Variants in PCDHGB4 observed in about 807,000 individuals in gnomAD.
PCDHGB4 encodes the protein protocadherin gamma-B4.
A neutral mutation model predicts 60.5 loss-of-function variants in PCDHGB4; 38 were observed. The observed-to-expected ratio is 0.63, with a 90% confidence interval of 0.48 to 0.82. The LOEUF (loss-of-function observed/expected upper bound fraction) is 0.82. Among genes scored for constraint, PCDHGB4 ranks in the 40% least tolerant of loss-of-function variants. The pLI is 0.00. For synonymous variants in PCDHGB4, 456 were observed against 509.7 expected (o/e 0.89, Z 1.42); for missense variants, 1,109 against 1,209.6 (o/e 0.92, Z 1.23).
At chr5:141,398,162 A>G (rs1037240871) in intron 1 of PCDHGB4, 45 of 1,481,274 alleles carry the variant, frequency 3.0e-5, no homozygotes, top group Non-Finnish European at 4.0e-5. Flanking sequence ...GGCCGGGCTG[A>G]GAGGCTGCCA....
At chr5:141,400,102 G>C (rs376189143) in intron 1 of PCDHGB4, 35 of 1,614,084 alleles carry the variant, frequency 2.2e-5, no homozygotes, top group Non-Finnish European at 3.0e-5. Context: ...GCTGCACTTG[G>C]TCTTTGCTGA....
At chr5:141,499,698 T>C (rs1312388510) in intron 2 of PCDHGB4, among the ~76,000 whole-genome samples, 2 of 149,810 alleles carry the variant, frequency 1.3e-5, no homozygotes, top group African/African-American at 2.5e-5. Context: ...ACTTTTTTTT[T>C]TTTTTTTTTT....
chr5:141,423,184 C>A (rs747938944), intron 1 of PCDHGB4: 1 of 1,613,442 alleles, frequency 6.2e-7, no homozygotes, highest in South Asian at 1.1e-5. Flanking sequence ...CCACGGCCAG[C>A]CCCCTCTCTC....
At chr5:141,422,640 C>T in intron 1 of PCDHGB4, 1 of 1,612,590 alleles carries the variant, frequency 6.2e-7, no homozygotes, top group South Asian at 1.1e-5. Flanking sequence ...GGGGTGCCTC[C>T]ATCTTCTCAG....
chr5:141,428,037 C>T, intron 1 of PCDHGB4: 1 of 1,608,458 alleles, frequency 6.2e-7, no homozygotes, highest in South Asian at 1.1e-5. Context: ...GTCCGGCTAC[C>T]TGGTGACCAA....
intron 1 of PCDHGB4, 110 bp downstream of exon 1, chr5:141,390,391 T>C: frequency 7.1e-7 from 1 of 1,399,002 alleles, no homozygotes; most frequent in Non-Finnish European, 9.8e-7. Flanking sequence ...ATGTCATGGA[T>C]CATTTTAGGA....
intron 1 of PCDHGB4, chr5:141,433,307 C>T (rs982853368): frequency 2.2e-6 from 2 of 913,640 alleles, no homozygotes; most frequent in Admixed American, 2.7e-5. Context: ...AATTATCCCA[C>T]CTTTGCCTCC....
intron 1 of PCDHGB4, chr5:141,422,771 T>C (rs2096671394): frequency 6.2e-7 from 1 of 1,613,954 alleles, no homozygotes; most frequent in Non-Finnish European, 8.5e-7. Flanking sequence ...ACTGGTGTTC[T>C]CTATGCCCTA....
At chr5:141,464,422 TATAG>T (rs2099083887) in intron 1 of PCDHGB4, among the ~76,000 whole-genome samples, 1 of 151,672 alleles carries the variant, frequency 6.6e-6, no homozygotes, top group African/African-American at 2.4e-5. Context: ...TATCTATATA[TATAG>T]ATATATATGT....
intron 1 of PCDHGB4, chr5:141,428,087 G>A (rs2097108117): frequency 6.2e-7 from 1 of 1,609,106 alleles, no homozygotes; most frequent in Non-Finnish European, 8.5e-7. Context: ...ACAACGCTTG[G>A]CTGTCCTACC....
chr5:141,402,799 C>A (rs1248030162), intron 1 of PCDHGB4: 2 of 1,061,840 alleles, frequency 1.9e-6, no homozygotes, highest in Non-Finnish European at 2.6e-6. Flanking sequence ...TACACAAAAC[C>A]CGGCAGATAC....
chr5:141,434,938 A>G (rs938787407), intron 1 of PCDHGB4, among the ~76,000 whole-genome samples: 2 of 151,738 alleles, frequency 1.3e-5, no homozygotes, highest in Admixed American at 1.3e-4. Flanking sequence ...TATATAATAG[A>G]TATAATTTAT....
chr5:141,472,556 T>A (rs2099287889), intron 1 of PCDHGB4, among the ~76,000 whole-genome samples: 1 of 151,628 alleles, frequency 6.6e-6, no homozygotes, highest in South Asian at 2.1e-4. Flanking sequence ...AAAAAAATTA[T>A]ATTATAAATG....
Position 141,476,364 on chromosome 5 carries a change from C to T in PCDHGB4, c.2398-18443C>T, listed in dbSNP as rs1462808655. The T allele has an allele frequency of 6.2e-7, 1 of 1,614,036 alleles. No homozygotes were observed. The highest frequency in any genetic ancestry group is 8.5e-7 in the Non-Finnish European group (1 of 1,180,026). Reference sequence around the variant, plus strand: ...AGATTCTTTGAGGTGAACCGGGAGACCGGAGAGATGTTTGTGAACGACCGT... The same window carrying T: ...AGATTCTTTGAGGTGAACCGGGAGATCGGAGAGATGTTTGTGAACGACCGT... On this transcript the variant is annotated intron_variant, in intron 1 of 3. Coordinates refer to ENST00000519479, the MANE Select transcript of PCDHGB4 (RefSeq NM_003736.4). This position sits in a 1 kb window ranked among gnomAD's most constrained non-coding sequence, Gnocchi z 7.6.
At chr5:141,423,885 A>G in intron 1 of PCDHGB4, 6 of 1,277,816 alleles carry the variant, frequency 4.7e-6, no homozygotes, top group Non-Finnish European at 5.9e-6. Flanking sequence ...ATCTTGGCAT[A>G]TTTTCTTTTG....
At chr5:141,412,264 CT>C (rs765219351) in intron 1 of PCDHGB4, 4 of 152,206 alleles carry the variant, frequency 2.6e-5, no homozygotes, top group Non-Finnish European at 4.4e-5. Context: ...TTTTCTAAAA[CT>C]TTTAGTACTT....
intron 1 of PCDHGB4, among the ~76,000 whole-genome samples, chr5:141,434,703 G>C (rs1198306104): frequency 6.6e-6 from 1 of 151,730 alleles, no homozygotes; most frequent in Non-Finnish European, 1.5e-5. Context: ...TAAATATGTG[G>C]GTAAATCTCT....
chr5:141,404,290 T>C (rs2094507318), intron 1 of PCDHGB4: 1 of 1,613,984 alleles, frequency 6.2e-7, no homozygotes, highest in South Asian at 1.1e-5. Context: ...CTGACATCAA[T>C]GATAATCCAC....
rs146860480 is a variant in PCDHGB4 at position 141,474,581 on chromosome 5, T to G, written c.2398-20226T>G. ...GGTTTTCAGAGATTAATTGAAGTGTTAAAGACATGGAAATATAGGTCACAT... is the reference window on the plus strand; with the variant it reads ...GGTTTTCAGAGATTAATTGAAGTGTGAAAGACATGGAAATATAGGTCACAT... On this transcript the variant is annotated intron_variant, in intron 1 of 3. Transcript: ENST00000519479. Among the ~76,000 whole-genome samples the G allele has an allele frequency of 7.1e-4, 108 of 152,358 alleles. No homozygotes were observed. The East Asian group carries it at 0.015, about 21-fold the overall frequency.
Sources: allele counts gnomAD v4.1 joint callset (sites outside exome capture counted in the v4.1 genomes callset), GRCh38; gene constraint gnomAD v4.1.1; non-coding constraint Gnocchi (gnomAD v3.1); transcripts MANE v1.5; gene names NCBI Gene and HGNC (gene_info 2026-07-23, HGNC 2026-07-21).